Variants in AGBL4 observed in about 807,000 individuals in gnomAD.
AGBL4 encodes cytosolic carboxypeptidase 6.
In AGBL4, 58 loss-of-function variants were observed where a neutral mutation model predicts 66.4. That is an observed-to-expected ratio of 0.87 (90% CI 0.71 to 1.09). AGBL4 has a LOEUF of 1.09. AGBL4 is among the 50% of genes least tolerant of loss of function. The pLI, the probability that AGBL4 is intolerant of heterozygous loss-of-function variation, is 0.00. For missense variants in AGBL4, 579 were observed against 631.0 expected, an observed-to-expected ratio of 0.92 and a Z score of 0.88; for synonymous variants, 234 against 222.9, an observed-to-expected ratio of 1.05 and a Z score of -0.44.
intron 6 of AGBL4, among the ~76,000 whole-genome samples, chr1:48,816,321 A>AAGTC (rs1646177448): frequency 6.6e-6 from 1 of 152,146 alleles, no homozygotes; most frequent in South Asian, 2.1e-4. Context: ...ATACGATTTG[A>AAGTC]AGTCCCTTGA....
At chr1:49,694,002 A>T (rs1646936471) in intron 3 of AGBL4, among the ~76,000 whole-genome samples, 1 of 152,186 alleles carries the variant, frequency 6.6e-6, no homozygotes, top group African/African-American at 2.4e-5. Context: ...CTGGGATACA[A>T]CACCATATGC....
intron 3 of AGBL4, among the ~76,000 whole-genome samples, chr1:49,418,834 T>C (rs1184344154): frequency 6.6e-6 from 1 of 152,240 alleles, no homozygotes; most frequent in Non-Finnish European, 1.5e-5. Context: ...AAGGAATTTC[T>C]CTTTGTCCCA....
chr1:49,673,625 T>C (rs1417112227), intron 3 of AGBL4, among the ~76,000 whole-genome samples: 1 of 151,966 alleles, frequency 6.6e-6, no homozygotes, highest in East Asian at 1.9e-4. Flanking sequence ...AAAAAGAAAA[T>C]TCCCCAAGTG....
chr1:48,968,935 C>T (rs973834725), intron 5 of AGBL4, among the ~76,000 whole-genome samples: 1 of 152,090 alleles, frequency 6.6e-6, no homozygotes, highest in African/African-American at 2.4e-5. Flanking sequence ...AATGTTTGGA[C>T]TAGAAATCCA....
chr1:49,936,932 T>A (rs1383059323), intron 1 of AGBL4, among the ~76,000 whole-genome samples: 1 of 152,146 alleles, frequency 6.6e-6, no homozygotes. Flanking sequence ...CTGCATCAAC[T>A]AACGAGCAAA....
chr1:48,904,818 A>G (rs912270267), intron 5 of AGBL4, among the ~76,000 whole-genome samples: 2 of 152,236 alleles, frequency 1.3e-5, no homozygotes, highest in Non-Finnish European at 2.9e-5. Flanking sequence ...ACATGTAATT[A>G]CCAACATAGA....
intron 3 of AGBL4, among the ~76,000 whole-genome samples, chr1:49,552,682 C>T (rs774963785): frequency 4.6e-5 from 7 of 152,116 alleles, no homozygotes; most frequent in South Asian, 2.1e-4. Flanking sequence ...AGTAGCAGTC[C>T]GCTTTCTTCA....
intron 6 of AGBL4, among the ~76,000 whole-genome samples, chr1:48,691,373 C>T (rs977486657): frequency 2.0e-5 from 3 of 151,962 alleles, no homozygotes; most frequent in Admixed American, 6.6e-5. Context: ...AGTGCACACA[C>T]GGCTAGTGGC....
chr1:48,897,895 T>C lies in AGBL4; in HGVS notation c.595-30665A>G, dbSNP rs550562340. Among the ~76,000 whole-genome samples, 4 of 151,328 alleles carry C rather than the reference T, an allele frequency of 2.6e-5. No homozygotes were observed. In the South Asian group the frequency reaches 6.3e-4, roughly 24 times the overall value. On this transcript the variant is annotated intron_variant, in intron 5 of 13. Transcript: ENST00000371839. ...CACGATCTCGGTTCACTGCAACCTC[T>C]GCCTCCTGGGTTCAAGCGATTCTCC...
At chr1:48,825,122 G>A (rs1646398360) in intron 6 of AGBL4, among the ~76,000 whole-genome samples, 1 of 152,192 alleles carries the variant, frequency 6.6e-6, no homozygotes, top group Non-Finnish European at 1.5e-5. Flanking sequence ...ATACCGGCAG[G>A]GGTAGCTTGG....
At chr1:49,304,247 AT>A (rs1644809055) in intron 3 of AGBL4, among the ~76,000 whole-genome samples, 1 of 152,142 alleles carries the variant, frequency 6.6e-6, no homozygotes, top group African/African-American at 2.4e-5. Flanking sequence ...TCCTTTCCCC[AT>A]TGCTTGTTTT....
At chr1:49,550,281 G>A (rs767382180) in intron 3 of AGBL4, among the ~76,000 whole-genome samples, 8 of 152,188 alleles carry the variant, frequency 5.3e-5, no homozygotes, top group Non-Finnish European at 1.0e-4. Flanking sequence ...TACATTCAAT[G>A]TTAGTATTGA....
intron 4 of AGBL4, among the ~76,000 whole-genome samples, chr1:49,047,055 A>T (rs771168746): frequency 2.0e-5 from 3 of 152,180 alleles, no homozygotes; most frequent in Non-Finnish European, 4.4e-5. Context: ...ACAGAGCATT[A>T]TAACATACTA....
intron 3 of AGBL4, among the ~76,000 whole-genome samples, chr1:49,488,794 C>A (rs1203157374): frequency 2.0e-5 from 3 of 151,786 alleles, no homozygotes; most frequent in Non-Finnish European, 4.4e-5. Flanking sequence ...TGAGAACATG[C>A]AAACTTTGTC....
chr1:49,100,336 A>ACTCT (rs1645178568), intron 4 of AGBL4, among the ~76,000 whole-genome samples: 2 of 152,128 alleles, frequency 1.3e-5, no homozygotes, highest in African/African-American at 2.4e-5. Context: ...CTTAGGAAGG[A>ACTCT]ACACAACATT....
chr1:49,738,431 C>G (rs539217503), intron 2 of AGBL4, among the ~76,000 whole-genome samples: 2 of 152,350 alleles, frequency 1.3e-5, no homozygotes, highest in South Asian at 4.1e-4. Flanking sequence ...GTGGAGCCCA[C>G]CGCAGCTCAA....
intron 3 of AGBL4, among the ~76,000 whole-genome samples, chr1:49,664,971 C>T (rs996089250): frequency 2.0e-5 from 3 of 152,016 alleles, no homozygotes; most frequent in Non-Finnish European, 4.4e-5. Flanking sequence ...ACTAATAATA[C>T]AAAACTTGTG....
At chr1:49,494,430 C>T (rs1288246392) in intron 3 of AGBL4, among the ~76,000 whole-genome samples, 5 of 151,958 alleles carry the variant, frequency 3.3e-5, no homozygotes, top group Non-Finnish European at 5.9e-5. Context: ...CCCCTCTCCC[C>T]GCACCCCACA....
intron 1 of AGBL4, among the ~76,000 whole-genome samples, chr1:49,917,526 A>G (rs1030186825): frequency 3.9e-5 from 6 of 152,214 alleles, no homozygotes; most frequent in Non-Finnish European, 8.8e-5. Flanking sequence ...TTCAACAAGA[A>G]GAGCTAACTA....
Sources: gnomAD v4.1 joint callset for allele counts (sites outside exome capture counted in the v4.1 genomes callset) on GRCh38, gnomAD v4.1.1 for gene constraint, MANE v1.5 for transcripts, NCBI Gene and HGNC (gene_info 2026-07-23, HGNC 2026-07-21) for gene names.